LGR6: variants seen among roughly 807,000 people sequenced by gnomAD.
The protein encoded by LGR6 is leucine rich repeat containing G protein-coupled receptor 6.
LGR6 carries 45 observed loss-of-function variants against 69.4 expected under a neutral mutation model. That is an observed-to-expected ratio of 0.65 (90% CI 0.51 to 0.83). The LOEUF (loss-of-function observed/expected upper bound fraction) is 0.83. LGR6 is among the 40% of genes least tolerant of loss of function. The pLI is 0.00. For missense variants in LGR6, 1,108 were observed against 1,246.7 expected (o/e 0.89, Z 1.68); for synonymous variants, 538 against 555.0 (o/e 0.97, Z 0.43).
intron 4 of LGR6, among the ~76,000 whole-genome samples, chr1:202,247,511 G>A (rs1463916190): frequency 1.3e-5 from 2 of 152,060 alleles, no homozygotes. Flanking sequence ...CCGCTTTTTT[G>A]TACCCCCGCA....
chr1:202,279,499 C>A (rs1347983595), intron 5 of LGR6, among the ~76,000 whole-genome samples: 1 of 152,098 alleles, frequency 6.6e-6, no homozygotes, highest in Non-Finnish European at 1.5e-5. Flanking sequence ...TTTTTAAATT[C>A]TTGAATTTAA....
At chr1:202,261,145 C>T (rs974292573) in intron 4 of LGR6, among the ~76,000 whole-genome samples, 7 of 151,872 alleles carry the variant, frequency 4.6e-5, no homozygotes, top group African/African-American at 1.7e-4. Flanking sequence ...AGCTTAGTTA[C>T]ATATGTATAC....
intron 3 of LGR6, among the ~76,000 whole-genome samples, chr1:202,231,816 G>T (rs539478509): frequency 1.1e-4 from 16 of 152,090 alleles, no homozygotes; most frequent in Non-Finnish European, 2.2e-4. Flanking sequence ...TTGTGGGCTG[G>T]GTGCGGTGGC....
intron 4 of LGR6, among the ~76,000 whole-genome samples, chr1:202,241,833 T>G (rs1240140922): frequency 1.3e-5 from 2 of 151,442 alleles, no homozygotes; most frequent in Admixed American, 1.3e-4. Flanking sequence ...ACCTGGATAC[T>G]CTAGGGGGGA....
chr1:202,257,799 C>A lies in LGR6; in HGVS notation c.429-18507C>A, dbSNP rs3010076. On this transcript the variant is annotated intron_variant, in intron 4 of 17. Transcript: ENST00000367278. Reference sequence around the variant, plus strand: ...TTTTCAAGGTTTGACTATTCTTGCTCCCTTGCATTTCCATATAAATTTTAG... The same window carrying A: ...TTTTCAAGGTTTGACTATTCTTGCTACCTTGCATTTCCATATAAATTTTAG... 2.5e-4 allele frequency among the ~76,000 whole-genome samples: 38 copies of A among 152,108 alleles called. 1 individual carries two copies. The South Asian group carries it at 4.4e-3, about 17-fold the overall frequency.
intron 4 of LGR6, among the ~76,000 whole-genome samples, chr1:202,253,911 T>C (rs1343785740): frequency 2.1e-5 from 3 of 143,392 alleles, no homozygotes; most frequent in Non-Finnish European, 4.6e-5. Context: ...GTTCACGCCA[T>C]TCTCCTGCCT....
At chr1:202,304,535 G>C in intron 10 of LGR6, 24 bp from the exon 11 acceptor site, 8 of 1,584,074 alleles carry the variant, frequency 5.1e-6, no homozygotes, top group Non-Finnish European at 6.0e-6. Context: ...CCTGGTGCCA[G>C]CTCTGTCTCT....
Position 202,245,932 on chromosome 1 carries a change from A to G in LGR6, c.428+9939A>G, listed in dbSNP as rs144394371. ...CATCCATTCATCCTTGCATCCATCC[A>G]TGCATCCATCCATCCATCCATCCAT... is the stretch of plus-strand genomic sequence containing the variant. On this transcript the variant is annotated intron_variant, in intron 4 of 17. Coordinates refer to ENST00000367278, the MANE Select transcript of LGR6 (RefSeq NM_001017403.2). 5.3e-3 allele frequency among the ~76,000 whole-genome samples: 808 copies of G among 151,542 alleles called. 4 individuals are homozygous for G. The highest frequency in any genetic ancestry group is 0.029 in the East Asian group (151 of 5,122).
At position 202,268,816 on chromosome 1, in the gene LGR6, C is replaced by T. The variant is rs1203857832; in HGVS notation, c.429-7490C>T. Among the ~76,000 whole-genome samples, 2 of 152,206 alleles carry T rather than the reference C, an allele frequency of 1.3e-5. No homozygotes were observed. Among genetic ancestry groups the T allele is most frequent in the Non-Finnish European group, 2.9e-5 (2 of 68,050 alleles). ...TTTTTAGTTTGGGAGCAGAGCCGAC[C>T]TCATGGGCCTGCGACCTGTGTGGTT... On this transcript the variant is annotated intron_variant, in intron 4 of 17. Transcript: ENST00000367278. This position sits in a 1 kb window ranked among gnomAD's most constrained non-coding sequence, Gnocchi z 4.4.
intron 1 of LGR6, chr1:202,194,442 G>GACA: frequency 1.7e-6 from 1 of 604,456 alleles, no homozygotes. Context: ...CTCCGTGCTT[G>GACA]TGGGCTGACT....
chr1:202,313,480 A>G lies in LGR6; in HGVS notation c.1568-1322A>G, dbSNP rs369376873. 6.6e-5 allele frequency among the ~76,000 whole-genome samples: 10 copies of G among 152,136 alleles called. No homozygotes were observed. In the East Asian group the frequency reaches 1.4e-3, roughly 21 times the overall value. On this transcript the variant is annotated intron_variant, in intron 16 of 17. Coordinates refer to ENST00000367278, the MANE Select transcript of LGR6 (RefSeq NM_001017403.2). ...GGTTAAACATCTGGGCTCTGTAGTC[A>G]GACAAACCTGCATCTGAATTCTAGT...
At chr1:202,262,670 A>G (rs12125232) in intron 4 of LGR6, among the ~76,000 whole-genome samples, 7,054 of 152,236 alleles carry the variant, frequency 0.046, 219 homozygotes, top group Middle Eastern at 0.095. Flanking sequence ...AATACCTATG[A>G]TTCTCAAATT....
intron 1 of LGR6, among the ~76,000 whole-genome samples, chr1:202,206,237 C>T (rs945962649): frequency 9.2e-5 from 14 of 152,266 alleles, no homozygotes; most frequent in Middle Eastern, 3.4e-3. Flanking sequence ...TGGGAGGAGA[C>T]GAGAAAGGAA....
intron 1 of LGR6, among the ~76,000 whole-genome samples, chr1:202,211,338 G>C (rs1194403532): frequency 6.6e-6 from 1 of 152,220 alleles, no homozygotes; most frequent in African/African-American, 2.4e-5. Context: ...CAGAAAGCCT[G>C]AGGTTCACGA....
intron 1 of LGR6, among the ~76,000 whole-genome samples, chr1:202,213,747 G>C (rs1477558182): frequency 6.6e-6 from 1 of 152,200 alleles, no homozygotes; most frequent in Non-Finnish European, 1.5e-5. Context: ...CTATTTTATA[G>C]ATGCAGAAAC....
chr1:202,211,717 A>ACG, intron 1 of LGR6, among the ~76,000 whole-genome samples: 1 of 152,314 alleles, frequency 6.6e-6, no homozygotes, highest in Non-Finnish European at 1.5e-5. Context: ...CGTACATATC[A>ACG]TAAGTGTATA....
intron 3 of LGR6, among the ~76,000 whole-genome samples, chr1:202,228,964 C>T (rs1307419417): frequency 6.6e-6 from 1 of 152,160 alleles, no homozygotes; most frequent in Non-Finnish European, 1.5e-5. Context: ...TTGTTCATTG[C>T]ACCAGAGCAT....
chr1:202,270,113 A>T (rs1242773852), intron 4 of LGR6, among the ~76,000 whole-genome samples: 2 of 152,144 alleles, frequency 1.3e-5, no homozygotes, highest in East Asian at 3.9e-4. Flanking sequence ...CCAAATAGAG[A>T]TATGCTTCTT....
chr1:202,219,385 G>A (rs1659999075), intron 1 of LGR6, among the ~76,000 whole-genome samples: 2 of 152,232 alleles, frequency 1.3e-5, no homozygotes, highest in Admixed American at 1.3e-4. Flanking sequence ...ACTGAGAGGA[G>A]AAGGCTCTGG....
Sources: gnomAD v4.1 joint callset for allele counts (sites outside exome capture counted in the v4.1 genomes callset) on GRCh38, gnomAD v4.1.1 for gene constraint, Gnocchi (gnomAD v3.1) non-coding constraint, MANE v1.5 for transcripts, NCBI Gene and HGNC (gene_info 2026-07-23, HGNC 2026-07-21) for gene names.